ADAT1: variants seen among roughly 807,000 people sequenced by gnomAD.
The protein encoded by ADAT1 is tRNA-specific adenosine deaminase 1.
Under a neutral mutation model 58.6 loss-of-function variants are expected in ADAT1, and 58 were observed. The ratio of observed to expected loss-of-function variants is 0.99; its 90% CI spans 0.80 to 1.23. The LOEUF is 1.23. Among genes scored for constraint, ADAT1 ranks in the 50% most tolerant of loss-of-function variants. The pLI is 0.00. For missense variants in ADAT1, 741 were observed against 608.6 expected, an observed-to-expected ratio of 1.22 and a Z score of -2.29; for synonymous variants, 254 against 220.8, an observed-to-expected ratio of 1.15 and a Z score of -1.33.
Position 75,620,761 on chromosome 16 carries a change from T to C in ADAT1, c.39A>G (p.Glu13=), listed in dbSNP as rs1567488302. 1.2e-6 allele frequency: 2 copies of C among 1,614,052 alleles called. No individual in the cohort carries two copies. The highest frequency in any genetic ancestry group is 8.5e-7 in the Non-Finnish European group (1 of 1,180,026). ...TADEIAQLCY[E]HYGIRLPKKG... ...TCTTGGGCAGCCTGATCCCATAGTG[T>C]TCATAGCATAGCTGAGCAATCTCAT... is the stretch of plus-strand genomic sequence containing the variant. Residue 13 remains glutamate, a synonymous_variant, in exon 2 of 10, where the codon GAA becomes GAG. Transcript: ENST00000564657.
intron 5 of ADAT1, among the ~76,000 whole-genome samples, chr16:75,613,663 A>G (rs894001615): frequency 3.3e-5 from 5 of 152,114 alleles, no homozygotes; most frequent in Non-Finnish European, 5.9e-5. Flanking sequence ...TGTCCTGTAC[A>G]TTACGGAATA....
Position 75,600,300 on chromosome 16 carries a change from A to T in ADAT1, c.1425T>A (p.Ser475=). Residue 475 remains serine (S), a synonymous_variant, in exon 10 of 10, where the codon TCT becomes TCA. Coordinates refer to ENST00000564657, the MANE Select transcript of ADAT1 (RefSeq NM_001324445.2). The stretch of plus-strand genomic sequence containing the variant: ...GGAGTGTGCTCCAGGCTTCCTGGTA[A>T]GAGGACGCAGCCTCCTTGTACTCCT... The part of the protein sequence containing the change: ...TYQEYKEAAS[S]YQEAWSTLRK... The T allele has an allele frequency of 6.2e-7, 1 of 1,614,076 alleles. No homozygotes were observed. Among genetic ancestry groups the T allele is most frequent in the Non-Finnish European group, 8.5e-7 (1 of 1,180,016 alleles).
At chr16:75,605,185 T>C (rs983296293) in intron 8 of ADAT1, among the ~76,000 whole-genome samples, 3 of 152,098 alleles carry the variant, frequency 2.0e-5, no homozygotes, top group East Asian at 1.9e-4. Context: ...CTGCCTCCTA[T>C]GTTCAAGCAA....
At chr16:75,605,104 T>C (rs1224587166) in intron 8 of ADAT1, among the ~76,000 whole-genome samples, 4 of 152,216 alleles carry the variant, frequency 2.6e-5, no homozygotes, top group Non-Finnish European at 5.9e-5. Flanking sequence ...CTCTTTTTTG[T>C]TTTTGAAATG....
At chr16:75,615,480 TAAAAAAAAAAAAAA>T (rs56149357) in intron 5 of ADAT1, among the ~76,000 whole-genome samples, 870 of 32,926 alleles carry the variant, frequency 0.026, 31 homozygotes, top group African/African-American at 0.093. Context: ...GTTGATGAGC[TAAAAAAAAAAAAAA>T]AAAAAAAAAA....
In ADAT1 at chr16:75,617,043, C is replaced by T. The variant is rs543762780; in HGVS notation, c.424+99G>A. 21 of 1,441,348 alleles carry T rather than the reference C, an allele frequency of 1.5e-5. No individual in the cohort carries two copies. The Admixed American group carries it at 3.8e-4, about 26-fold the overall frequency. The allele number at this position is 1,441,348 out of a possible 1,614,324, so 89.3% of individuals were successfully genotyped here. A position where few individuals can be genotyped will look rare whatever the true frequency, so the allele number is the denominator to read the frequency against. On this transcript the variant is annotated intron_variant, in intron 5 of 9. Transcript: ENST00000564657. Reference sequence around the variant, plus strand: ...TACTTGTGACTACCTGTGGCTACTTCAGCCATTAGTGCTTTTTAGGAAAAA... The same window carrying T: ...TACTTGTGACTACCTGTGGCTACTTTAGCCATTAGTGCTTTTTAGGAAAAA...
chr16:75,621,030 CA>C (rs1302287421), intron 1 of ADAT1, among the ~76,000 whole-genome samples: 1 of 152,032 alleles, frequency 6.6e-6, no homozygotes, highest in Non-Finnish European at 1.5e-5. Context: ...TACCAATCCC[CA>C]AAATTATTGT....
chr16:75,602,024 T>A (rs1020215651), intron 9 of ADAT1: 2 of 150,716 alleles, frequency 1.3e-5, no homozygotes, highest in African/African-American at 4.9e-5. Flanking sequence ...TGATCACACG[T>A]GAGTTTCTGT....
At chr16:75,603,213 A>C (rs747413487) in intron 8 of ADAT1, 42 bp from the exon 9 acceptor site, 2 of 1,552,364 alleles carry the variant, frequency 1.3e-6, no homozygotes, top group Non-Finnish European at 1.8e-6. Context: ...TTAAGTGTTT[A>C]GTATGTTCTA....
At position 75,608,254 on chromosome 16, in the gene ADAT1, G is replaced by A; in HGVS notation, c.1259C>T (p.Thr420Ile). The A allele has an allele frequency of 9.3e-6, 15 of 1,614,032 alleles. No individual in the cohort carries two copies. The highest frequency in any genetic ancestry group is 1.2e-5 in the Non-Finnish European group (14 of 1,179,970). Reference sequence around the variant, plus strand: ...CTGAAGGCTTCCAATTGTTTTCTTTGTTGTTCCCTGTGGAAAGCCATTGGC... The same window carrying A: ...CTGAAGGCTTCCAATTGTTTTCTTTATTGTTCCCTGTGGAAAGCCATTGGC... Reference protein sequence around the residue: ...VTANGFPQGTTKKTIGSLQAR... With the variant: ...VTANGFPQGTIKKTIGSLQAR... Residue 420 changes from threonine (T) to isoleucine (I), a missense_variant, in exon 8 of 10, where the codon ACA becomes ATA. Transcript: ENST00000564657.
intron 6 of ADAT1, among the ~76,000 whole-genome samples, chr16:75,610,117 C>A (rs1339890061): frequency 6.6e-6 from 1 of 152,298 alleles, no homozygotes; most frequent in East Asian, 1.9e-4. Context: ...TTTTCAAGTT[C>A]ATCCATGCTG....
chr16:75,614,498 A>G (rs1262067895), intron 5 of ADAT1, among the ~76,000 whole-genome samples: 1 of 152,208 alleles, frequency 6.6e-6, no homozygotes, highest in Non-Finnish European at 1.5e-5. Context: ...TACATCTGTA[A>G]TCTTTATAAC....
chr16:75,620,827 C>A lies in ADAT1; in HGVS notation c.-21-7G>T, dbSNP rs771452359. 2 of 1,592,492 alleles carry A rather than the reference C, an allele frequency of 1.3e-6. No homozygotes were observed. The highest frequency in any genetic ancestry group is 2.2e-5 in the South Asian group (2 of 89,658). Reference sequence around the variant, plus strand: ...TCTGAGCTGGTATTGAGACCTTGATCAAAAACCACAACCATCAGAAGTACG... The same window carrying A: ...TCTGAGCTGGTATTGAGACCTTGATAAAAAACCACAACCATCAGAAGTACG... On this transcript the variant is annotated splice_region_variant and splice_polypyrimidine_tract_variant and intron_variant, in intron 1 of 9. Coordinates refer to ENST00000564657, the MANE Select transcript of ADAT1 (RefSeq NM_001324445.2).
rs1393897102 is a variant in ADAT1, at chr16:75,608,837, T to A, written c.1189+6A>T. ...CTCCAGGGCAGGTCTAACCTGGATCTCTTACCTGCCCCACAAGGAACAAGT... is the reference window on the plus strand; with the variant it reads ...CTCCAGGGCAGGTCTAACCTGGATCACTTACCTGCCCCACAAGGAACAAGT... On this transcript the variant is annotated splice_donor_region_variant and intron_variant, in intron 7 of 9. Coordinates refer to ENST00000564657, the MANE Select transcript of ADAT1 (RefSeq NM_001324445.2). 1.2e-6 allele frequency: 2 copies of A among 1,612,412 alleles called. No individual in the cohort carries two copies. The highest frequency in any genetic ancestry group is 1.7e-6 in the Non-Finnish European group (2 of 1,179,586).
At chr16:75,607,071 CA>C (rs918723366) in intron 8 of ADAT1, among the ~76,000 whole-genome samples, 2 of 149,618 alleles carry the variant, frequency 1.3e-5, no homozygotes, top group African/African-American at 2.5e-5. Context: ...ACTAAAAATG[CA>C]AAAAAAAATT....
chr16:75,622,181 G>T (rs1025534128), intron 1 of ADAT1, among the ~76,000 whole-genome samples: 1 of 152,154 alleles, frequency 6.6e-6, no homozygotes, highest in African/African-American at 2.4e-5. Flanking sequence ...CTGAGCTCCA[G>T]TGCATGCAGC....
rs747732186 is a variant in ADAT1, at chr16:75,612,808, G to A, written c.478C>T (p.Pro160Ser). ...MLEFEDQPCC[P>S]VFRNWAHNSS... The stretch of plus-strand genomic sequence containing the variant: ...TTGTGGGCCCAATTTCTGAAGACAG[G>A]ACAGCAAGGCTGATCTTCAAACTCA... The change falls in exon 6 of 10, where the codon CCT becomes TCT. Residue 160 changes from proline (P) to serine (S), a missense_variant. Transcript: ENST00000564657. 7 of 1,614,044 alleles carry A rather than the reference G, an allele frequency of 4.3e-6. No individual in the cohort carries two copies. Among genetic ancestry groups the A allele is most frequent in the Non-Finnish European group, 5.9e-6 (7 of 1,180,014 alleles).
In ADAT1 at chr16:75,608,851, C is replaced by G; in HGVS notation, c.1181G>C (p.Cys394Ser). Residue 394 changes from cysteine (C) to serine (S), a missense_variant, in exon 7 of 10, where the codon TGT becomes TCT. Cys to Ser is a moderately radical substitution (Grantham distance 112). Transcript: ENST00000564657. The part of the protein sequence containing the change: ...RADSPGRLVP[C>S]GAAISWSAVP... ...TAACCTGGATCTCTTACCTGCCCCACAAGGAACAAGTCGACCTGGGCTATC... is the reference window on the plus strand; with the variant it reads ...TAACCTGGATCTCTTACCTGCCCCAGAAGGAACAAGTCGACCTGGGCTATC... The G allele has an allele frequency of 6.2e-7, 1 of 1,613,570 alleles. No homozygotes were observed. The highest frequency in any genetic ancestry group is 8.5e-7 in the Non-Finnish European group (1 of 1,179,862).
At chr16:75,620,976 C>T (rs1335102692) in intron 1 of ADAT1, among the ~76,000 whole-genome samples, 156 bp from the exon 2 acceptor site, 4 of 152,122 alleles carry the variant, frequency 2.6e-5, no homozygotes, top group African/African-American at 9.7e-5. Context: ...TATCTCCCTG[C>T]CCCCTTTTCA....
Sources: allele counts gnomAD v4.1 joint callset (sites outside exome capture counted in the v4.1 genomes callset), GRCh38; gene constraint gnomAD v4.1.1; transcripts MANE v1.5; gene names NCBI Gene and HGNC (gene_info 2026-07-23, HGNC 2026-07-21).